CRIM1: variants seen among roughly 807,000 people sequenced by gnomAD.
CRIM1 encodes cysteine-rich motor neuron 1 protein.
In CRIM1, 32 loss-of-function variants were observed where a neutral mutation model predicts 116.4. The ratio of observed to expected loss-of-function variants is 0.27; its 90% CI spans 0.21 to 0.37. The LOEUF is 0.37. CRIM1 is among the 10% of genes least tolerant of loss of function. The pLI is 1.00. For synonymous variants in CRIM1, 590 were observed against 509.2 expected (o/e 1.16, Z -2.13); for missense variants, 1,331 against 1,354.8 (o/e 0.98, Z 0.28).
chr2:36,423,480 A>G (rs933406086), intron 2 of CRIM1, among the ~76,000 whole-genome samples: 3 of 152,250 alleles, frequency 2.0e-5, no homozygotes, highest in Non-Finnish European at 4.4e-5. Context: ...GTATTATAGT[A>G]ATGTGCAATT....
At chr2:36,362,703 A>G (rs1229547836) in intron 1 of CRIM1, among the ~76,000 whole-genome samples, 3 of 152,186 alleles carry the variant, frequency 2.0e-5, no homozygotes, top group Non-Finnish European at 2.9e-5. Flanking sequence ...ATATACCTCT[A>G]TGTAAGAATA....
chr2:36,548,830 C>A lies in CRIM1; in HGVS notation c.*129C>A. On this transcript the variant is annotated 3_prime_UTR_variant, in exon 17 of 17. Coordinates refer to ENST00000280527, the MANE Select transcript of CRIM1 (RefSeq NM_016441.3). ...GTGACTTGATGTACAGCGCTAAGAC[C>A]TTACTGGGATGGGCTCTGTCTACAG... 1.4e-6 allele frequency: 1 copy of A among 689,660 alleles called. No homozygotes were observed. The highest frequency in any genetic ancestry group is 2.3e-6 in the Non-Finnish European group (1 of 427,000). The allele number at this position is 689,660 out of a possible 1,614,324, so 42.7% of individuals were successfully genotyped here.
At chr2:36,431,157 T>C (rs564685885) in intron 2 of CRIM1, among the ~76,000 whole-genome samples, 2 of 152,330 alleles carry the variant, frequency 1.3e-5, no homozygotes, top group African/African-American at 4.8e-5. Context: ...TGATTACATC[T>C]GTGCCTTGGG....
At chr2:36,392,398 C>T (rs1420813039) in intron 1 of CRIM1, among the ~76,000 whole-genome samples, 3 of 151,864 alleles carry the variant, frequency 2.0e-5, no homozygotes, top group African/African-American at 7.3e-5. Context: ...ATTTAGGGTA[C>T]CAGGAAAAAA....
At chr2:36,475,574 T>G (rs1002824463) in intron 5 of CRIM1, among the ~76,000 whole-genome samples, 1 of 152,234 alleles carries the variant, frequency 6.6e-6, no homozygotes. Flanking sequence ...TTTAATTTAT[T>G]TATTTTTCCT....
intron 8 of CRIM1, among the ~76,000 whole-genome samples, chr2:36,501,231 A>G (rs1680960779): frequency 6.6e-6 from 1 of 152,202 alleles, no homozygotes; most frequent in Admixed American, 6.5e-5. Flanking sequence ...CTTGGACTTA[A>G]CGTAGACAGA....
chr2:36,496,558 C>T (rs564032876), intron 7 of CRIM1, among the ~76,000 whole-genome samples: 6 of 152,176 alleles, frequency 3.9e-5, no homozygotes, highest in Non-Finnish European at 8.8e-5. Context: ...TCCCATGGGA[C>T]TTGTTTTACC....
At chr2:36,373,899 G>C in intron 1 of CRIM1, among the ~76,000 whole-genome samples, 1 of 152,220 alleles carries the variant, frequency 6.6e-6, no homozygotes, top group Middle Eastern at 3.4e-3. Context: ...GAAGCTGTTA[G>C]GTTCTGTTAA....
At chr2:36,460,076 C>G (rs1157443285) in intron 4 of CRIM1, among the ~76,000 whole-genome samples, 1 of 151,988 alleles carries the variant, frequency 6.6e-6, no homozygotes, top group Non-Finnish European at 1.5e-5. Flanking sequence ...CAGGTGCCCA[C>G]TGAGCTTGAA....
At chr2:36,401,230 C>CA (rs1672382505) in intron 2 of CRIM1, among the ~76,000 whole-genome samples, 1 of 152,114 alleles carries the variant, frequency 6.6e-6, no homozygotes, top group Non-Finnish European at 1.5e-5. Context: ...CAATTTTACT[C>CA]AGTGTTTTCT....
At chr2:36,447,135 G>A (rs1435626841) in intron 4 of CRIM1, among the ~76,000 whole-genome samples, 1 of 152,116 alleles carries the variant, frequency 6.6e-6, no homozygotes, top group Non-Finnish European at 1.5e-5. Flanking sequence ...GGAATTTATA[G>A]GTATGAGAAT....
intron 2 of CRIM1, among the ~76,000 whole-genome samples, chr2:36,433,969 A>G (rs1675095741): frequency 2.0e-5 from 3 of 152,148 alleles, no homozygotes; most frequent in African/African-American, 7.2e-5. Context: ...ACGAGCTTGA[A>G]ATATGAAATA....
chr2:36,425,296 A>T (rs765921262), intron 2 of CRIM1, among the ~76,000 whole-genome samples: 1 of 152,236 alleles, frequency 6.6e-6, no homozygotes, highest in Non-Finnish European at 1.5e-5. Flanking sequence ...AAACATATTG[A>T]TAGTAAGCCC....
At chr2:36,433,210 T>A (rs987377961) in intron 2 of CRIM1, among the ~76,000 whole-genome samples, 3 of 148,910 alleles carry the variant, frequency 2.0e-5, no homozygotes, top group African/African-American at 7.4e-5. Flanking sequence ...GAGGTCTAAG[T>A]TTCTGCATTT....
chr2:36,378,442 A>T (rs4670548), intron 1 of CRIM1: 44 of 470,514 alleles, frequency 9.4e-5, no homozygotes, highest in South Asian at 5.6e-4. Context: ...GTCCAGATGC[A>T]ACAGTAGGGA....
At chr2:36,430,599 C>G (rs191782925) in intron 2 of CRIM1, among the ~76,000 whole-genome samples, 1 of 152,108 alleles carries the variant, frequency 6.6e-6, no homozygotes, top group South Asian at 2.1e-4. Flanking sequence ...GGCATAGAAA[C>G]GCGGGGCTCC....
intron 2 of CRIM1, among the ~76,000 whole-genome samples, chr2:36,408,730 C>T (rs553443132): frequency 6.6e-6 from 1 of 151,988 alleles, no homozygotes; most frequent in East Asian, 1.9e-4. Flanking sequence ...ATTCCAAGAC[C>T]ATGATCTGGG....
intron 2 of CRIM1, among the ~76,000 whole-genome samples, chr2:36,436,229 A>T (rs1211911923): frequency 6.6e-6 from 1 of 152,160 alleles, no homozygotes; most frequent in African/African-American, 2.4e-5. Flanking sequence ...ACAATTCCTG[A>T]TGTTATGGTA....
intron 5 of CRIM1, among the ~76,000 whole-genome samples, chr2:36,467,257 C>G (rs1678119329): frequency 6.6e-6 from 1 of 152,156 alleles, no homozygotes; most frequent in East Asian, 1.9e-4. Flanking sequence ...ATTGATATAT[C>G]AGTCATTCAC....
Sources: allele counts gnomAD v4.1 joint callset (sites outside exome capture counted in the v4.1 genomes callset), GRCh38; gene constraint gnomAD v4.1.1; transcripts MANE v1.5; gene names NCBI Gene and HGNC (gene_info 2026-07-23, HGNC 2026-07-21).